Variants in ZBTB7B observed in about 807,000 individuals in gnomAD.
The protein encoded by ZBTB7B is zinc finger and BTB domain-containing protein 7B.
ZBTB7B carries 8 observed loss-of-function variants against 31.0 expected under a neutral mutation model. The ratio of observed to expected loss-of-function variants is 0.26; its 90% CI spans 0.15 to 0.47. The LOEUF is 0.47. Among genes scored for constraint, ZBTB7B ranks in the 20% least tolerant of loss-of-function variants. The pLI, the probability that ZBTB7B is intolerant of heterozygous loss-of-function variation, is 0.99. For synonymous variants in ZBTB7B, 261 were observed against 307.3 expected (o/e 0.85, Z 1.58); for missense variants, 494 against 742.4 (o/e 0.67, Z 3.89).
intron 1 of ZBTB7B, among the ~76,000 whole-genome samples, chr1:155,008,365 G>A (rs911482805): frequency 1.2e-4 from 19 of 152,214 alleles, no homozygotes; most frequent in African/African-American, 4.6e-4. Context: ...GCCCAGTACA[G>A]GGTAGGGAGA....
rs1658397865 is a variant in ZBTB7B at position 155,003,891 on chromosome 1, TGGGGGCGGGAGTGG to T, written c.-7+957_-7+970del. On this transcript the variant is annotated intron_variant, in intron 1 of 2. Transcript: ENST00000535420. This position sits in a 1 kb window ranked among gnomAD's most constrained non-coding sequence, Gnocchi z 5.8. ...GCGACGTGTCCCGGCCAGAGCGAGGTGGGGGCGGGAGTGGGGGGGCGGCGTGGGCAGCGGGTTGT... is the reference window on the plus strand; with the variant it reads ...GCGACGTGTCCCGGCCAGAGCGAGGTGGGGGCGGCGTGGGCAGCGGGTTGT... Among the ~76,000 whole-genome samples, 1 of 147,110 alleles carries T rather than the reference TGGGGGCGGGAGTGG, an allele frequency of 6.8e-6. No homozygotes were observed. The highest frequency in any genetic ancestry group is 1.5e-5 in the Non-Finnish European group (1 of 66,356).
intron 1 of ZBTB7B, among the ~76,000 whole-genome samples, chr1:155,012,910 G>T (rs1380866041): frequency 1.3e-5 from 2 of 151,918 alleles, no homozygotes; most frequent in African/African-American, 4.8e-5. Context: ...CTTGCCTTAG[G>T]GATCATCTGG....
At chr1:155,010,960 C>G (rs1232322694) in intron 1 of ZBTB7B, 1 of 1,535,862 alleles carries the variant, frequency 6.5e-7, no homozygotes, top group Admixed American at 2.0e-5. Context: ...CCCCAAGCTG[C>G]TGCTCCTGGA....
intron 1 of ZBTB7B, among the ~76,000 whole-genome samples, chr1:155,011,577 G>A (rs775244113): frequency 3.3e-5 from 5 of 152,180 alleles, no homozygotes; most frequent in Non-Finnish European, 7.4e-5. Context: ...AGAGGGGAGT[G>A]ATGGGGTGGG....
rs748862441 is a variant in ZBTB7B, at chr1:155,016,468, C to T, written c.1403C>T (p.Pro468Leu). The change falls in exon 3 of 3, where the codon CCA becomes CTA. Residue 468 changes from proline to leucine, a missense_variant. Coordinates refer to ENST00000535420, the MANE Select transcript of ZBTB7B (RefSeq NM_001256455.2). The surrounding 1 kb of genome is among the most constrained non-coding windows in gnomAD (Gnocchi z 4.3). Reference protein sequence around the residue: ...RTRRRRKDDAPPHYPPPSTAA... With the variant: ...RTRRRRKDDALPHYPPPSTAA... ...CGACGGCGCCGCAAGGACGATGCAC[C>T]ACCCCACTACCCACCACCCTCTACC... is the stretch of plus-strand genomic sequence containing the variant. 2 of 1,614,050 alleles carry T rather than the reference C, an allele frequency of 1.2e-6. No individual in the cohort carries two copies. Among genetic ancestry groups the T allele is most frequent in the East Asian group, 2.2e-5 (1 of 44,884 alleles).
At position 155,016,051 on chromosome 1, in the gene ZBTB7B, G is replaced by C. The variant is rs537662663; in HGVS notation, c.1155-169G>C. Among the ~76,000 whole-genome samples the C allele has an allele frequency of 3.6e-4, 55 of 152,250 alleles. No individual in the cohort carries two copies. The highest frequency in any genetic ancestry group is 1.3e-3 in the African/African-American group (52 of 41,538). Reference sequence around the variant, plus strand: ...TGCTGGAAGCAGAGGAGTGGATAATGACAAGGCCTAGTTAAGCTAGAGGTG... The same window carrying C: ...TGCTGGAAGCAGAGGAGTGGATAATCACAAGGCCTAGTTAAGCTAGAGGTG... On this transcript the variant is annotated intron_variant, in intron 2 of 2. Coordinates refer to ENST00000535420, the MANE Select transcript of ZBTB7B (RefSeq NM_001256455.2). The surrounding 1 kb of genome is among the most constrained non-coding windows in gnomAD (Gnocchi z 4.3).
At chr1:155,009,286 G>A (rs1658781695) in intron 1 of ZBTB7B, among the ~76,000 whole-genome samples, 1 of 151,990 alleles carries the variant, frequency 6.6e-6, no homozygotes, top group Admixed American at 6.5e-5. Flanking sequence ...GGGCTGGGGT[G>A]TCCTCTGGGG....
intron 1 of ZBTB7B, among the ~76,000 whole-genome samples, chr1:155,007,092 T>C (rs999163951): frequency 1.3e-5 from 2 of 152,250 alleles, no homozygotes; most frequent in Admixed American, 1.3e-4. Flanking sequence ...AAGTCAGAAC[T>C]GGGATGGGTT....
At chr1:155,013,517 C>G (rs906390277) in intron 1 of ZBTB7B, among the ~76,000 whole-genome samples, 1 of 152,250 alleles carries the variant, frequency 6.6e-6, no homozygotes, top group Non-Finnish European at 1.5e-5. Context: ...GCAGGTCTCA[C>G]CCCCTTCCAG....
At chr1:155,002,693 CG>C (rs1658308713), upstream of ZBTB7B, 2 of 72,010 alleles carry the variant, frequency 2.8e-5, no homozygotes, top group East Asian at 7.7e-4. Flanking sequence ...ACAGGTGAGG[CG>C]GGCCCTGAGG....
At chr1:155,008,209 G>C (rs1270180518) in intron 1 of ZBTB7B, among the ~76,000 whole-genome samples, 1 of 152,152 alleles carries the variant, frequency 6.6e-6, no homozygotes, top group South Asian at 2.1e-4. Context: ...TGATCCCCCT[G>C]GCTATTGGGG....
chr1:155,017,298 T>TG lies in ZBTB7B; in HGVS notation c.*617dup. ...CCGCCCTGCTCCCGGCGCTGAGTCATGGGGTCGTGGAGAAGGGGGCGGGGT... is the reference window on the plus strand; with the variant it reads ...CCGCCCTGCTCCCGGCGCTGAGTCATGGGGGTCGTGGAGAAGGGGGCGGGGT... On this transcript the variant is annotated 3_prime_UTR_variant, in exon 3 of 3. Coordinates refer to ENST00000535420, the MANE Select transcript of ZBTB7B (RefSeq NM_001256455.2). The TG allele has an allele frequency of 7.0e-6, 1 of 143,550 alleles. No individual in the cohort carries two copies. Among genetic ancestry groups the TG allele is most frequent in the Non-Finnish European group, 1.6e-5 (1 of 63,444 alleles). The allele number at this position is 143,550 out of a possible 1,614,324, so 8.9% of individuals were successfully genotyped here.
intron 1 of ZBTB7B, among the ~76,000 whole-genome samples, chr1:155,012,801 C>T (rs1276685567): frequency 7.0e-6 from 1 of 143,536 alleles, no homozygotes; most frequent in Non-Finnish European, 1.5e-5. Flanking sequence ...CCCCCATTCA[C>T]CCCCCCACCC....
At chr1:155,008,063 G>A (rs956808806) in intron 1 of ZBTB7B, among the ~76,000 whole-genome samples, 2 of 152,084 alleles carry the variant, frequency 1.3e-5, no homozygotes, top group Non-Finnish European at 2.9e-5. Flanking sequence ...CCACCCAACC[G>A]GCCAGGGTGG....
rs140676784 is a variant in ZBTB7B at position 155,014,797 on chromosome 1, G to C, written c.137G>C (p.Arg46Pro). 1 of 1,614,188 alleles carries C rather than the reference G, an allele frequency of 6.2e-7. No individual in the cohort carries two copies. The highest frequency in any genetic ancestry group is 1.7e-5 in the Admixed American group (1 of 60,028). The change falls in exon 2 of 3, where the codon CGC becomes CCC. Residue 46 changes from arginine (R) to proline (P), a missense_variant. Arg to Pro is a moderately radical substitution (Grantham distance 103). Coordinates refer to ENST00000535420, the MANE Select transcript of ZBTB7B (RefSeq NM_001256455.2). ...LTIRTQGLEY[R>P]THRAVLAACS... is the part of the protein sequence containing the mutation. ...ATCCGGACGCAGGGCCTTGAATACC[G>C]CACCCACAGGGCTGTGCTAGCTGCC...
intron 1 of ZBTB7B, among the ~76,000 whole-genome samples, chr1:155,013,692 C>T (rs977686723): frequency 6.8e-5 from 9 of 132,424 alleles, no homozygotes; most frequent in African/African-American, 2.5e-4. Context: ...GGAGGGGTGG[C>T]AGTAGCTGAG....
rs199717216 is a variant in ZBTB7B, at chr1:155,015,113, G to A, written c.453G>A (p.Pro151=). Residue 151 remains proline, a synonymous_variant, in exon 2 of 3, where the codon CCG becomes CCA. Coordinates refer to ENST00000535420, the MANE Select transcript of ZBTB7B (RefSeq NM_001256455.2). The part of the protein sequence containing the change: ...LQGSGLEAPS[P]DEDDCERARQ... ...GCAGTGGGCTAGAAGCTCCCAGCCC[G>A]GACGAGGATGACTGTGAGCGAGCCC... The A allele has an allele frequency of 5.8e-5, 94 of 1,613,506 alleles. No homozygotes were observed. In the East Asian group the frequency reaches 1.3e-3, roughly 23 times the overall value.
chr1:155,013,511 G>A (rs139780555), intron 1 of ZBTB7B, among the ~76,000 whole-genome samples: 292 of 152,336 alleles, frequency 1.9e-3, no homozygotes, highest in Non-Finnish European at 3.3e-3. Context: ...TTTAAAGCAG[G>A]TCTCACCCCC....
At position 155,004,474 on chromosome 1, in the gene ZBTB7B, G is replaced by A. The variant is rs1658438365; in HGVS notation, c.-7+1531G>A. 6.6e-6 allele frequency among the ~76,000 whole-genome samples: 1 copy of A among 152,056 alleles called. No individual in the cohort carries two copies. The highest frequency in any genetic ancestry group is 2.4e-5 in the African/African-American group (1 of 41,392). On this transcript the variant is annotated intron_variant, in intron 1 of 2. Transcript: ENST00000535420. This position sits in a 1 kb window ranked among gnomAD's most constrained non-coding sequence, Gnocchi z 4.0. ...ATGAGGCCTGGAGGATTATGGGGTTGCCTCCTGCTGCCCCACACACACCAA... is the reference window on the plus strand; with the variant it reads ...ATGAGGCCTGGAGGATTATGGGGTTACCTCCTGCTGCCCCACACACACCAA...
Sources: gnomAD v4.1 joint callset for allele counts (sites outside exome capture counted in the v4.1 genomes callset) on GRCh38, gnomAD v4.1.1 for gene constraint, Gnocchi (gnomAD v3.1) non-coding constraint, MANE v1.5 for transcripts, NCBI Gene and HGNC (gene_info 2026-07-23, HGNC 2026-07-21) for gene names.